The following SHISA6 variants were observed in gnomAD, a reference collection of about 807,000 sequenced individuals.
The protein encoded by SHISA6 is protein shisa-6.
Under a neutral mutation model 47.9 loss-of-function variants are expected in SHISA6, and 22 were observed. That is an observed-to-expected ratio of 0.46 (90% CI 0.33 to 0.66). The LOEUF (loss-of-function observed/expected upper bound fraction) is 0.66, where lower values mean the gene tolerates loss of function less well. Ranked by LOEUF, SHISA6 falls within the 30% of genes least tolerant of loss-of-function variation. The pLI is 0.02. For synonymous variants in SHISA6, 388 were observed against 337.8 expected, an observed-to-expected ratio of 1.15 and a Z score of -1.63; for missense variants, 680 against 764.6, an observed-to-expected ratio of 0.89 and a Z score of 1.30.
intron 3 of SHISA6, among the ~76,000 whole-genome samples, chr17:11,477,232 T>C (rs1393616459): frequency 3.9e-5 from 6 of 152,174 alleles, no homozygotes; most frequent in African/African-American, 1.4e-4. Flanking sequence ...TGTCTGTTGA[T>C]TGGTGCATTT....
chr17:11,302,008 C>T (rs1484076731), intron 2 of SHISA6, among the ~76,000 whole-genome samples: 4 of 152,058 alleles, frequency 2.6e-5, no homozygotes, highest in African/African-American at 7.2e-5. Context: ...GAGGAAAAAG[C>T]AAAAACGGAA....
rs201147699 is a variant in SHISA6 at position 11,310,090 on chromosome 17, G to A, written c.799+46564G>A. Among the ~76,000 whole-genome samples the A allele has an allele frequency of 1.4e-4, 21 of 152,308 alleles. No homozygotes were observed. The East Asian group carries it at 4.1e-3, about 29-fold the overall frequency. ...GAGTGGAGTGTGTCTGGCTAGCCAT[G>A]TGTGTTAGGCTGCAGTTATACCACA... is the stretch of plus-strand genomic sequence containing the variant. On this transcript the variant is annotated intron_variant, in intron 2 of 5. Transcript: ENST00000441885.
intron 2 of SHISA6, among the ~76,000 whole-genome samples, chr17:11,293,422 G>C (rs1909624795): frequency 6.6e-6 from 1 of 152,192 alleles, no homozygotes; most frequent in South Asian, 2.1e-4. Context: ...AGATTCGGCA[G>C]TGCCCTTTAC....
intron 2 of SHISA6, among the ~76,000 whole-genome samples, chr17:11,366,347 C>T (rs1382061735): frequency 2.0e-5 from 3 of 152,132 alleles, no homozygotes. Flanking sequence ...GCCTTGTTGC[C>T]CAGGCAGGTC....
chr17:11,418,239 T>C (rs1227364759), intron 3 of SHISA6, among the ~76,000 whole-genome samples: 1 of 152,168 alleles, frequency 6.6e-6, no homozygotes, highest in African/African-American at 2.4e-5. Flanking sequence ...GTTTTGATGG[T>C]ATATCATTTG....
chr17:11,402,334 C>G lies in SHISA6; in HGVS notation c.895+22825C>G, dbSNP rs1913804065. Among the ~76,000 whole-genome samples the G allele has an allele frequency of 2.6e-5, 4 of 152,320 alleles. No homozygotes were observed. In the South Asian group the frequency reaches 8.3e-4, roughly 32 times the overall value. On this transcript the variant is annotated intron_variant, in intron 3 of 5. Coordinates refer to ENST00000441885, the MANE Select transcript of SHISA6 (RefSeq NM_207386.4). Reference sequence around the variant, plus strand: ...CCTGGAGAATATCAGGGTCTCTGTTCCCTTGGCAGTTTGTGTAAAAAATTA... The same window carrying G: ...CCTGGAGAATATCAGGGTCTCTGTTGCCTTGGCAGTTTGTGTAAAAAATTA...
intron 1 of SHISA6, among the ~76,000 whole-genome samples, chr17:11,262,043 T>C (rs1908250803): frequency 6.6e-6 from 1 of 152,240 alleles, no homozygotes; most frequent in Non-Finnish European, 1.5e-5. Flanking sequence ...CAGTGTGATT[T>C]ACAGTTTTGG....
chr17:11,461,692 A>G (rs978334405), intron 3 of SHISA6, among the ~76,000 whole-genome samples: 5 of 152,144 alleles, frequency 3.3e-5, no homozygotes, highest in Non-Finnish European at 7.4e-5. Context: ...GCTCTGGGAC[A>G]TAGGGGCTGT....
At chr17:11,505,291 A>G (rs2071489807) in intron 3 of SHISA6, among the ~76,000 whole-genome samples, 1 of 152,136 alleles carries the variant, frequency 6.6e-6, no homozygotes, top group South Asian at 2.1e-4. Flanking sequence ...AGTCATTTGG[A>G]TAAGTTCTTC....
At chr17:11,289,615 A>G (rs893372173) in intron 2 of SHISA6, 1 of 139,548 alleles carries the variant, frequency 7.2e-6, no homozygotes, top group African/African-American at 2.6e-5. Flanking sequence ...CACACACACA[A>G]TATTTTCCAT....
chr17:11,351,939 A>G (rs567129861), intron 2 of SHISA6, among the ~76,000 whole-genome samples: 2 of 152,306 alleles, frequency 1.3e-5, no homozygotes, highest in South Asian at 4.1e-4. Context: ...GGGAGAAAGT[A>G]GGTAAGTATG....
At chr17:11,398,070 C>T (rs1913634870) in intron 3 of SHISA6, among the ~76,000 whole-genome samples, 1 of 151,616 alleles carries the variant, frequency 6.6e-6, no homozygotes. Flanking sequence ...CTGTTTAATT[C>T]ATTTCCAAGT....
intron 2 of SHISA6, among the ~76,000 whole-genome samples, chr17:11,270,715 C>T (rs773824815): frequency 3.9e-5 from 6 of 152,186 alleles, no homozygotes; most frequent in African/African-American, 9.7e-5. Flanking sequence ...TAGCAGGTAA[C>T]GGGCAGGGTT....
chr17:11,427,280 CCCA>C (rs1330357510), intron 3 of SHISA6, among the ~76,000 whole-genome samples: 1 of 152,122 alleles, frequency 6.6e-6, no homozygotes, highest in Non-Finnish European at 1.5e-5. Flanking sequence ...ACTACAGGCA[CCCA>C]CCACACCACC....
chr17:11,275,983 GT>G (rs367611438), intron 2 of SHISA6, among the ~76,000 whole-genome samples: 13 of 147,412 alleles, frequency 8.8e-5, no homozygotes, highest in East Asian at 3.9e-4. Flanking sequence ...TTTTGTTTTT[GT>G]TTTTTTTTTG....
At chr17:11,411,190 G>A (rs1220712598) in intron 3 of SHISA6, among the ~76,000 whole-genome samples, 3 of 152,096 alleles carry the variant, frequency 2.0e-5, no homozygotes, top group South Asian at 2.1e-4. Context: ...GGTTGGTCTC[G>A]ATCTCGTGAC....
rs374006041 is a variant in SHISA6, at chr17:11,558,333, C to A, written c.*29C>A. ...GCGGGGCAGGGCCGGGGCTGCTGGG[C>A]GTGGCAGAGCAGAGCGGGGGCCGGG... On this transcript the variant is annotated 3_prime_UTR_variant, in exon 6 of 6. Transcript: ENST00000441885. 6.5e-7 allele frequency: 1 copy of A among 1,528,450 alleles called. No individual in the cohort carries two copies. The highest frequency in any genetic ancestry group is 8.8e-7 in the Non-Finnish European group (1 of 1,141,744). The allele number at this position is 1,528,450 out of a possible 1,614,324, so 94.7% of individuals were successfully genotyped here.
intron 2 of SHISA6, among the ~76,000 whole-genome samples, chr17:11,336,282 T>C (rs1431583633): frequency 2.0e-5 from 3 of 152,164 alleles, no homozygotes; most frequent in Admixed American, 2.0e-4. Flanking sequence ...TTGTTTATTT[T>C]ATGGCTCTGA....
intron 3 of SHISA6, among the ~76,000 whole-genome samples, chr17:11,414,816 G>A (rs538057353): frequency 3.3e-5 from 5 of 152,326 alleles, no homozygotes; most frequent in African/African-American, 1.2e-4. Flanking sequence ...GGCCGGGTGT[G>A]GTGGCTCACG....
Sources: gnomAD v4.1 joint callset for allele counts (sites outside exome capture counted in the v4.1 genomes callset) on GRCh38, gnomAD v4.1.1 for gene constraint, MANE v1.5 for transcripts, NCBI Gene and HGNC (gene_info 2026-07-23, HGNC 2026-07-21) for gene names.